The following TMEM217 variants were observed in gnomAD, a reference collection of about 807,000 sequenced individuals.
TMEM217 encodes transmembrane protein 217.
For missense variants in TMEM217, 204 were observed against 248.8 expected (o/e 0.82, Z 1.21); for synonymous variants, 76 against 88.3 (o/e 0.86, Z 0.78).
At chr6:37,254,361 G>A (rs770024888) in intron 1 of TMEM217, among the ~76,000 whole-genome samples, 2 of 152,116 alleles carry the variant, frequency 1.3e-5, no homozygotes, top group Non-Finnish European at 2.9e-5. Flanking sequence ...CCTCTTGCTG[G>A]GCAAGGGTGG....
exon 1 of TMEM217, chr6:37,258,065 G>C: frequency 7.0e-7 from 1 of 1,426,620 alleles, no homozygotes; most frequent in Non-Finnish European, 9.5e-7. Flanking sequence ...CGCCACAGAG[G>C]CCAGAAGACT....
Position 37,251,929 on chromosome 6 carries a change from T to C in TMEM217, c.-12+5639A>G, listed in dbSNP as rs546619743. 1.2e-4 allele frequency among the ~76,000 whole-genome samples: 19 copies of C among 152,340 alleles called. No individual in the cohort carries two copies. The South Asian group carries it at 2.3e-3, about 18-fold the overall frequency. ...TTTTTATGAGATGGAGTTTCACTCT[T>C]GTTGCCCAGGCTGGAGTGCAATGGC... On this transcript the variant is annotated intron_variant, in intron 1 of 1. Coordinates refer to ENST00000357219, the Ensembl canonical transcript of TMEM217.
exon 1 of TMEM217, chr6:37,257,848 T>C: frequency 6.5e-7 from 1 of 1,549,362 alleles, no homozygotes; most frequent in Non-Finnish European, 8.8e-7. Flanking sequence ...GCCCTCAGAT[T>C]GCGGGGTCTG....
At chr6:37,212,815 G>A (rs552927486), downstream of TMEM217, 2 of 856,540 alleles carry the variant, frequency 2.3e-6, no homozygotes, top group African/African-American at 3.3e-5. Flanking sequence ...GTGGAACAGG[G>A]TCCAAGTGAC....
downstream of TMEM217, chr6:37,215,353 G>C: frequency 6.5e-7 from 1 of 1,532,620 alleles, no homozygotes; most frequent in Non-Finnish European, 8.8e-7. Flanking sequence ...GAGGCAGGCG[G>C]ATCACGAGGT....
chr6:37,233,147 TCCCAC>T (rs1764295484), intron 1 of TMEM217, among the ~76,000 whole-genome samples: 2 of 152,008 alleles, frequency 1.3e-5, no homozygotes, highest in Non-Finnish European at 2.9e-5. Context: ...TGTGCCAAAC[TCCCAC>T]CCCCACCTAC....
intron 1 of TMEM217, among the ~76,000 whole-genome samples, chr6:37,240,313 A>G (rs1764702460): frequency 6.6e-6 from 1 of 152,206 alleles, no homozygotes; most frequent in African/African-American, 2.4e-5. Context: ...GGGGCCATCT[A>G]AAGGCTCTAC....
intron 1 of TMEM217, among the ~76,000 whole-genome samples, chr6:37,252,542 A>G (rs1224831323): frequency 1.3e-5 from 2 of 150,394 alleles, no homozygotes; most frequent in African/African-American, 2.5e-5. Flanking sequence ...GTCAACATGT[A>G]TATGTTGTGA....
At chr6:37,236,550 C>T (rs917177782) in intron 1 of TMEM217, among the ~76,000 whole-genome samples, 8 of 151,884 alleles carry the variant, frequency 5.3e-5, no homozygotes, top group African/African-American at 7.3e-5. Context: ...GGTTGAGATC[C>T]GCAAATTTGC....
chr6:37,237,082 T>G (rs1162888755), intron 1 of TMEM217, among the ~76,000 whole-genome samples: 2 of 152,130 alleles, frequency 1.3e-5, no homozygotes, highest in Non-Finnish European at 2.9e-5. Context: ...AGAAGTCCCA[T>G]AGCAACACGT....
At chr6:37,218,172 T>C in exon 2 of TMEM217, 1 of 1,053,136 alleles carries the variant, frequency 9.5e-7, no homozygotes, top group Non-Finnish European at 1.2e-6. Flanking sequence ...CTGCTAACTT[T>C]TTTTTTTTTT....
Position 37,218,951 on chromosome 6 carries a change from T to C in TMEM217, c.80A>G (p.Asp27Gly). The change falls in exon 2 of 2, where the codon GAC (aspartate) becomes GGC (glycine). Residue 27 changes from aspartate (D) to glycine (G), a missense_variant. By Grantham distance (94) the Asp-to-Gly change is moderately conservative. Transcript: ENST00000357219. The stretch of plus-strand genomic sequence containing the variant: ...CTTCTGTTCAAAGATGAGATACATG[T>C]CTACGGCCATGATGGTGAAGACCCC... 4 of 1,614,208 alleles carry C rather than the reference T, an allele frequency of 2.5e-6. No individual in the cohort carries two copies. In the South Asian group the frequency reaches 4.4e-5, roughly 18 times the overall value.
At chr6:37,219,369 CAGTAATTTTCAAAACTTCCT>C (rs1763394439) in intron 1 of TMEM217, among the ~76,000 whole-genome samples, 2 of 152,254 alleles carry the variant, frequency 1.3e-5, no homozygotes, top group Admixed American at 6.5e-5. Flanking sequence ...ATCCAGGCAC[CAGTAATTTTCAAAACTTCCT>C]AGTAATTTTC....
intron 1 of TMEM217, among the ~76,000 whole-genome samples, chr6:37,245,641 T>A (rs1160584013): frequency 1.3e-5 from 2 of 151,986 alleles, no homozygotes; most frequent in Non-Finnish European, 2.9e-5. Context: ...ATTTATATCA[T>A]GGGCAGCAAA....
At chr6:37,226,648 G>A (rs987373578) in intron 1 of TMEM217, among the ~76,000 whole-genome samples, 1 of 151,538 alleles carries the variant, frequency 6.6e-6, no homozygotes, top group Non-Finnish European at 1.5e-5. Flanking sequence ...GCACGATCTC[G>A]CCTCCCAGGT....
downstream of TMEM217, among the ~76,000 whole-genome samples, chr6:37,213,725 G>A (rs7744645): frequency 0.039 from 5,940 of 152,344 alleles, 382 homozygotes; most frequent in African/African-American, 0.13. Flanking sequence ...CGACCCTGCT[G>A]AGGGCATGTT....
chr6:37,215,570 C>CAAAAAAAAAAAAAA (rs34808595), downstream of TMEM217, among the ~76,000 whole-genome samples: 218 of 72,364 alleles, frequency 3.0e-3, 2 homozygotes, highest in Middle Eastern at 0.014. Context: ...GACTCTGTCT[C>CAAAAAAAAAAAAAA]AAAAAAAAAA....
chr6:37,226,358 T>C (rs535941310), intron 1 of TMEM217, among the ~76,000 whole-genome samples: 226 of 140,800 alleles, frequency 1.6e-3, no homozygotes, highest in Non-Finnish European at 2.9e-3. Flanking sequence ...AGTGGCGCTA[T>C]CTTGGCTCAC....
intron 1 of TMEM217, among the ~76,000 whole-genome samples, chr6:37,223,895 T>C (rs1237725098): frequency 1.3e-5 from 2 of 151,462 alleles, no homozygotes; most frequent in South Asian, 2.1e-4. Context: ...CATAGCTCAC[T>C]GCAGCCTCAA....
Sources: allele counts gnomAD v4.1 joint callset (sites outside exome capture counted in the v4.1 genomes callset), GRCh38; gene constraint gnomAD v4.1.1; transcripts MANE v1.5; gene names NCBI Gene and HGNC (gene_info 2026-07-23, HGNC 2026-07-21).